KBTBD11: variants seen among roughly 807,000 people sequenced by gnomAD.
KBTBD11 encodes kelch repeat and BTB domain-containing protein 11.
For synonymous variants in KBTBD11, 747 were observed against 499.0 expected (o/e 1.50, Z -6.63); for missense variants, 1,390 against 1,001.8 (o/e 1.39, Z -5.23).
Position 2,001,908 on chromosome 8 carries a change from T to G in KBTBD11, c.716T>G (p.Val239Gly). Residue 239 changes from valine (V) to glycine (G), a missense_variant, in exon 2 of 2, where the codon GTC becomes GGC. Coordinates refer to ENST00000320248, the MANE Select transcript of KBTBD11 (RefSeq NM_014867.3). ...PQLSLANCYE[V>G]LSAAKRQRLN... ...CTGAGCCTGGCCAACTGCTACGAGG[T>G]CCTGAGCGCGGCCAAGCGGCAGCGG... is the stretch of plus-strand genomic sequence containing the variant. 6.9e-7 allele frequency: 1 copy of G among 1,447,822 alleles called. No homozygotes were observed. Among genetic ancestry groups the G allele is most frequent in the African/African-American group, 1.5e-5 (1 of 67,188 alleles). The allele number at this position is 1,447,822 out of a possible 1,614,324, so 89.7% of individuals were successfully genotyped here.
chr8:1,975,186 G>A (rs1331139221), intron 1 of KBTBD11: 1 of 152,248 alleles, frequency 6.6e-6, no homozygotes, highest in Non-Finnish European at 1.5e-5. Context: ...AACTGGCATT[G>A]CAATGCTCCC....
rs956474792 is a variant in KBTBD11 at position 2,005,151 on chromosome 8, C to T, written c.*2087C>T. Reference sequence around the variant, plus strand: ...AGTCCTGTGCGGTTCCCATGGCTTTCCAGCGTTTCATTTAGTGAAGGAATG... The same window carrying T: ...AGTCCTGTGCGGTTCCCATGGCTTTTCAGCGTTTCATTTAGTGAAGGAATG... On this transcript the variant is annotated 3_prime_UTR_variant, in exon 2 of 2. Transcript: ENST00000320248. The T allele has an allele frequency of 2.4e-5, 4 of 167,058 alleles. No homozygotes were observed. The highest frequency in any genetic ancestry group is 4.8e-5 in the African/African-American group (2 of 41,434). The allele number at this position is 167,058 out of a possible 1,614,324, so 10.3% of individuals were successfully genotyped here.
At chr8:2,000,164 T>C (rs530999771) in intron 1 of KBTBD11, 121 bp from the exon 2 acceptor site, 6 of 152,178 alleles carry the variant, frequency 3.9e-5, no homozygotes, top group Non-Finnish European at 7.3e-5. Flanking sequence ...ACAACCCCTT[T>C]ACAACCAAAA....
Position 2,004,688 on chromosome 8 carries a change from A to G in KBTBD11, c.*1624A>G, listed in dbSNP as rs567236789. 6.9e-4 allele frequency: 116 copies of G among 167,122 alleles called. 1 individual carries two copies. The highest frequency in any genetic ancestry group is 6.6e-3 in the South Asian group (32 of 4,824). 10.4% of individuals were successfully genotyped at this position (167,122 alleles called of 1,614,324 possible). ...GTTCTGGGGACGTGTCTGCTTGCCCATGGTTACTCATGAACTGAGGGGATA... is the reference window on the plus strand; with the variant it reads ...GTTCTGGGGACGTGTCTGCTTGCCCGTGGTTACTCATGAACTGAGGGGATA... On this transcript the variant is annotated 3_prime_UTR_variant, in exon 2 of 2. Coordinates refer to ENST00000320248, the MANE Select transcript of KBTBD11 (RefSeq NM_014867.3).
chr8:1,987,593 G>A (rs886261700), intron 1 of KBTBD11, among the ~76,000 whole-genome samples: 2 of 152,072 alleles, frequency 1.3e-5, no homozygotes, highest in Non-Finnish European at 1.5e-5. Context: ...TGTCAAGCTT[G>A]TCTGTACCTC....
In KBTBD11 at chr8:2,002,193, C is replaced by G; in HGVS notation, c.1001C>G (p.Ala334Gly). 8.0e-7 allele frequency: 1 copy of G among 1,253,726 alleles called. No individual in the cohort carries two copies. Among genetic ancestry groups the G allele is most frequent in the Non-Finnish European group, 1.0e-6 (1 of 1,002,008 alleles). 77.7% of individuals were successfully genotyped at this position (1,253,726 alleles called of 1,614,324 possible). A position where few individuals can be genotyped will look rare whatever the true frequency, so the allele number is the denominator to read the frequency against. The change falls in exon 2 of 2, where the codon GCC (alanine) becomes GGC (glycine). Residue 334 changes from alanine (A) to glycine (G), a missense_variant. By Grantham distance (60) the Ala-to-Gly change is moderately conservative (BLOSUM62 0). Coordinates refer to ENST00000320248, the MANE Select transcript of KBTBD11 (RefSeq NM_014867.3). The surrounding 1 kb of genome is among the most constrained non-coding windows in gnomAD (Gnocchi z 4.1). The part of the protein sequence containing the change: ...DAAVYCFHAA[A>G]GEWRELTRLP... ...GCCGTCTACTGCTTCCACGCGGCGG[C>G]CGGAGAGTGGCGCGAGCTGACGCGG...
At chr8:1,999,142 T>C (rs1817252440) in intron 1 of KBTBD11, among the ~76,000 whole-genome samples, 2 of 152,184 alleles carry the variant, frequency 1.3e-5, no homozygotes, top group Admixed American at 6.5e-5. Context: ...GTGAAAGATA[T>C]CTGGAAGACA....
chr8:1,975,165 A>T (rs183970421), intron 1 of KBTBD11: 3 of 152,374 alleles, frequency 2.0e-5, no homozygotes, highest in Admixed American at 1.3e-4. Flanking sequence ...TCGTGTGTGC[A>T]GATTTATGGT....
rs1421124159 is a variant in KBTBD11, at chr8:2,001,183, C to T, written c.-10C>T. On this transcript the variant is annotated 5_prime_UTR_variant, in exon 2 of 2. Transcript: ENST00000320248. Reference sequence around the variant, plus strand: ...GGGGGCGCGCGGGCGCAGCGCAGCACAGCCCGGCCATGGAGCACGCGGTGG... The same window carrying T: ...GGGGGCGCGCGGGCGCAGCGCAGCATAGCCCGGCCATGGAGCACGCGGTGG... 3.6e-5 allele frequency: 48 copies of T among 1,337,588 alleles called. No individual in the cohort carries two copies. Among genetic ancestry groups the T allele is most frequent in the Non-Finnish European group, 4.5e-5 (47 of 1,044,030 alleles). The allele number at this position is 1,337,588 out of a possible 1,614,324, so 82.9% of individuals were successfully genotyped here. A position where few individuals can be genotyped will look rare whatever the true frequency, so the allele number is the denominator to read the frequency against.
At position 2,001,782 on chromosome 8, in the gene KBTBD11, C is replaced by A; in HGVS notation, c.590C>A (p.Ala197Glu). ...LLADAYSGRM[A>E]GVRPDNVAEV... The stretch of plus-strand genomic sequence containing the variant: ...GCCGACGCCTACAGCGGGCGCATGG[C>A]GGGCGTGCGGCCCGACAACGTGGCC... The change falls in exon 2 of 2, where the codon GCG becomes GAG. Residue 197 changes from alanine (A) to glutamate (E), a missense_variant. Physicochemically the swap from Ala to Glu is moderately radical, Grantham distance 107. Transcript: ENST00000320248. 1 of 1,266,318 alleles carries A rather than the reference C, an allele frequency of 7.9e-7. No individual in the cohort carries two copies. The highest frequency in any genetic ancestry group is 9.9e-7 in the Non-Finnish European group (1 of 1,009,308). 78.4% of individuals were successfully genotyped at this position (1,266,318 alleles called of 1,614,324 possible). A position where few individuals can be genotyped will look rare whatever the true frequency, so the allele number is the denominator to read the frequency against.
At position 2,002,870 on chromosome 8, in the gene KBTBD11, G is replaced by A. The variant is rs2129317045; in HGVS notation, c.1678G>A (p.Gly560Ser). 3.8e-5 allele frequency: 52 copies of A among 1,352,510 alleles called. No individual in the cohort carries two copies. The highest frequency in any genetic ancestry group is 7.2e-5 in the South Asian group (4 of 55,658). The allele number at this position is 1,352,510 out of a possible 1,614,324, so 83.8% of individuals were successfully genotyped here. The stretch of plus-strand genomic sequence containing the variant: ...GCCCTTCCGCTGCGCCGCCCTGGAC[G>A]GCGCCATCTACTGCGTGAGCCGCGC... ...LQPFRCAALD[G>S]AIYCVSRAGT... Residue 560 changes from glycine to serine, a missense_variant, in exon 2 of 2, where the codon GGC (glycine) becomes AGC (serine). Transcript: ENST00000320248. This position sits in a 1 kb window ranked among gnomAD's most constrained non-coding sequence, Gnocchi z 4.1.
intron 1 of KBTBD11, among the ~76,000 whole-genome samples, chr8:1,996,036 A>T (rs947237890): frequency 9.2e-5 from 14 of 152,162 alleles, no homozygotes; most frequent in African/African-American, 3.1e-4. Context: ...AAAACAAACA[A>T]ACAAAAATCC....
At position 2,003,665 on chromosome 8, in the gene KBTBD11, A is replaced by G. The variant is rs1382634794; in HGVS notation, c.*601A>G. On this transcript the variant is annotated 3_prime_UTR_variant, in exon 2 of 2. Transcript: ENST00000320248. ...GATTACCAGTAAGGTTTCTTGTTCA[A>G]TATGCATTGGAAGTATTTCCTTCCC... 6.0e-6 allele frequency: 1 copy of G among 167,028 alleles called. No homozygotes were observed. The highest frequency in any genetic ancestry group is 6.5e-5 in the Admixed American group (1 of 15,284). 10.3% of individuals were successfully genotyped at this position (167,028 alleles called of 1,614,324 possible). A position where few individuals can be genotyped will look rare whatever the true frequency, so the allele number is the denominator to read the frequency against.
Position 2,001,308 on chromosome 8 carries a change from C to G in KBTBD11, c.116C>G (p.Ala39Gly). 1 of 1,524,040 alleles carries G rather than the reference C, an allele frequency of 6.6e-7. No homozygotes were observed. Among genetic ancestry groups the G allele is most frequent in the East Asian group, 2.6e-5 (1 of 38,586 alleles). 94.4% of individuals were successfully genotyped at this position (1,524,040 alleles called of 1,614,324 possible). A position where few individuals can be genotyped will look rare whatever the true frequency, so the allele number is the denominator to read the frequency against. Residue 39 changes from alanine to glycine, a missense_variant, in exon 2 of 2, where the codon GCG becomes GGG. By Grantham distance (60) the Ala-to-Gly change is moderately conservative (BLOSUM62 0). Coordinates refer to ENST00000320248, the MANE Select transcript of KBTBD11 (RefSeq NM_014867.3). The stretch of plus-strand genomic sequence containing the variant: ...GCGCAGACACCCTGCAGTCTCGGCG[C>G]GTCCCTGTGCTTCAGCTCCGGGGAA... ...SPAQTPCSLG[A>G]SLCFSSGEES...
At chr8:1,993,487 G>GTCCA (rs1347053210) in intron 1 of KBTBD11, among the ~76,000 whole-genome samples, 1 of 56,036 alleles carries the variant, frequency 1.8e-5, no homozygotes, top group African/African-American at 4.6e-5. Context: ...CCATCTATCC[G>GTCCA]TCCATCCGTC....
At chr8:1,996,828 A>G (rs2129314824) in intron 1 of KBTBD11, among the ~76,000 whole-genome samples, 1 of 152,318 alleles carries the variant, frequency 6.6e-6, no homozygotes, top group East Asian at 1.9e-4. Context: ...ATGTATAGAA[A>G]CTTAGAAGTT....
chr8:1,985,457 A>G (rs1816679155), intron 1 of KBTBD11, among the ~76,000 whole-genome samples: 1 of 152,276 alleles, frequency 6.6e-6, no homozygotes. Context: ...GCTCTTCCAC[A>G]GCAGCGTCTG....
chr8:1,995,240 A>C (rs746549361), intron 1 of KBTBD11, among the ~76,000 whole-genome samples: 5 of 151,898 alleles, frequency 3.3e-5, no homozygotes, highest in Non-Finnish European at 7.4e-5. Flanking sequence ...TATTGCTTAC[A>C]ATTGGCTTTA....
rs1398666954 is a variant in KBTBD11 at position 2,002,511 on chromosome 8, C to A, written c.1319C>A (p.Pro440Gln). 2.6e-6 allele frequency: 4 copies of A among 1,517,528 alleles called. No homozygotes were observed. The highest frequency in any genetic ancestry group is 3.5e-6 in the Non-Finnish European group (4 of 1,142,956). The allele number at this position is 1,517,528 out of a possible 1,614,324, so 94.0% of individuals were successfully genotyped here. A position where few individuals can be genotyped will look rare whatever the true frequency, so the allele number is the denominator to read the frequency against. ...GCCGACCGCTGGGCCCCCGTGGCGC[C>A]GCTGCCCCGGGGCGCCTTCGCCGTG... ...PRADRWAPVA[P>Q]LPRGAFAVAH... Residue 440 changes from proline to glutamine, a missense_variant, in exon 2 of 2, where the codon CCG (proline) becomes CAG (glutamine). Transcript: ENST00000320248. This position sits in a 1 kb window ranked among gnomAD's most constrained non-coding sequence, Gnocchi z 4.1.
Sources: gnomAD v4.1 joint callset for allele counts (sites outside exome capture counted in the v4.1 genomes callset) on GRCh38, gnomAD v4.1.1 for gene constraint, Gnocchi (gnomAD v3.1) non-coding constraint, MANE v1.5 for transcripts, NCBI Gene and HGNC (gene_info 2026-07-23, HGNC 2026-07-21) for gene names.